Variants in RNF169 observed in about 807,000 individuals in gnomAD.
RNF169 encodes the protein E3 ubiquitin-protein ligase RNF169.
RNF169 carries 24 observed loss-of-function variants against 53.9 expected under a neutral mutation model. The observed-to-expected ratio is 0.45, with a 90% CI of 0.32 to 0.63. RNF169 has a LOEUF of 0.63. Among genes scored for constraint, RNF169 ranks in the 20% least tolerant of loss-of-function variants. RNF169 has a pLI of 0.04. For synonymous variants in RNF169, 396 were observed against 363.5 expected, an observed-to-expected ratio of 1.09 and a Z score of -1.02; for missense variants, 883 against 906.2, an observed-to-expected ratio of 0.97 and a Z score of 0.33.
At position 74,834,670 on chromosome 11, in the gene RNF169, T is replaced by C. The variant is rs746717535; in HGVS notation, c.843-6T>C. ...GACTACTCGTTTTTTATTTATTCTT[T>C]TTTAGGAAGCTAAACTCCAAGGTGG... is the stretch of plus-strand genomic sequence containing the variant. On this transcript the variant is annotated splice_polypyrimidine_tract_variant and splice_region_variant and intron_variant, in intron 4 of 5. Coordinates refer to ENST00000299563, the MANE Select transcript of RNF169 (RefSeq NM_001098638.2). 2 of 1,603,512 alleles carry C rather than the reference T, an allele frequency of 1.2e-6. No homozygotes were observed. Among genetic ancestry groups the C allele is most frequent in the South Asian group, 1.1e-5 (1 of 89,444 alleles).
At chr11:74,801,477 A>G (rs2035728251) in intron 2 of RNF169, among the ~76,000 whole-genome samples, 1 of 152,224 alleles carries the variant, frequency 6.6e-6, no homozygotes, top group African/African-American at 2.4e-5. Context: ...CACCAGTTTG[A>G]TTAACTAGTT....
chr11:74,750,692 C>A (rs2034875501), intron 1 of RNF169, among the ~76,000 whole-genome samples: 1 of 144,732 alleles, frequency 6.9e-6, no homozygotes, highest in Non-Finnish European at 1.5e-5. Context: ...CTGTGCACCA[C>A]CCCTTCAGGT....
rs982828663 is a variant in RNF169, at chr11:74,838,829, T to TA, written c.*2100dup. On this transcript the variant is annotated 3_prime_UTR_variant, in exon 6 of 6. Transcript: ENST00000299563. The stretch of plus-strand genomic sequence containing the variant: ...ACTATAAATGCCCTTAGAGGAAACT[T>TA]ATCAGTTACTGCCATTTCACGCATT... The TA allele has an allele frequency of 6.6e-6, 1 of 152,174 alleles. No homozygotes were observed. The highest frequency in any genetic ancestry group is 1.5e-5 in the Non-Finnish European group (1 of 68,032). 9.4% of individuals were successfully genotyped at this position (152,174 alleles called of 1,614,324 possible). A position where few individuals can be genotyped will look rare whatever the true frequency, so the allele number is the denominator to read the frequency against.
chr11:74,781,967 A>G (rs1321159239), intron 1 of RNF169, among the ~76,000 whole-genome samples: 3 of 152,150 alleles, frequency 2.0e-5, no homozygotes, highest in South Asian at 2.1e-4. Flanking sequence ...GGCATGCTAC[A>G]TAACTGCCAA....
rs2034836802 is a variant in RNF169 at position 74,748,940 on chromosome 11, T to C, written c.60T>C (p.Ser20=). 2.7e-6 allele frequency: 4 copies of C among 1,470,916 alleles called. No homozygotes were observed. The highest frequency in any genetic ancestry group is 3.6e-6 in the Non-Finnish European group (4 of 1,100,336). The allele number at this position is 1,470,916 out of a possible 1,614,324, so 91.1% of individuals were successfully genotyped here. A position where few individuals can be genotyped will look rare whatever the true frequency, so the allele number is the denominator to read the frequency against. The change falls in exon 1 of 6, where the codon AGT becomes AGC. Residue 20 remains serine, a synonymous_variant. Transcript: ENST00000299563. ...CCGCGGCGGCAGCAGCCGCTCTGAG[T>C]CGGCGGGGCCGGCGGGGCCGCTGTG... is the stretch of plus-strand genomic sequence containing the variant. ...ASSAAAAAAL[S]RRGRRGRCDE... is the part of the protein sequence containing the mutation.
At chr11:74,831,728 C>T (rs2036181172) in intron 4 of RNF169, 1 of 149,672 alleles carries the variant, frequency 6.7e-6, no homozygotes, top group Non-Finnish European at 1.5e-5. Flanking sequence ...GTGGAAGACT[C>T]ACAACTCCTG....
At chr11:74,752,228 TA>T (rs11325931) in intron 1 of RNF169, among the ~76,000 whole-genome samples, 8,934 of 78,610 alleles carry the variant, frequency 0.11, 583 homozygotes, top group African/African-American at 0.26. Context: ...GAGACTGTCT[TA>T]AAAAAAAAAA....
chr11:74,760,561 G>A (rs375802341), intron 1 of RNF169, among the ~76,000 whole-genome samples: 12 of 150,966 alleles, frequency 7.9e-5, no homozygotes, highest in South Asian at 2.1e-4. Flanking sequence ...CCTTCATTTC[G>A]TTATGTACCC....
intron 2 of RNF169, among the ~76,000 whole-genome samples, chr11:74,809,692 G>A (rs929851093): frequency 3.3e-5 from 5 of 152,296 alleles, no homozygotes; most frequent in East Asian, 1.9e-4. Flanking sequence ...TTTGTAGACC[G>A]TGTATCTTGA....
chr11:74,825,234 A>G (rs1419295118), intron 4 of RNF169, among the ~76,000 whole-genome samples: 1 of 152,248 alleles, frequency 6.6e-6, no homozygotes, highest in African/African-American at 2.4e-5. Context: ...TATATTTTAA[A>G]AGGTTGAAAT....
intron 1 of RNF169, among the ~76,000 whole-genome samples, chr11:74,764,568 AAG>A (rs1448846982): frequency 6.6e-6 from 1 of 152,216 alleles, no homozygotes; most frequent in African/African-American, 2.4e-5. Context: ...AGACAGGAAA[AAG>A]AGAATTTACC....
chr11:74,786,002 A>G (rs1295480100), intron 1 of RNF169, among the ~76,000 whole-genome samples: 1 of 143,450 alleles, frequency 7.0e-6, no homozygotes, highest in Non-Finnish European at 1.5e-5. Flanking sequence ...GTGCAGTGGC[A>G]CGATCTCAGC....
At chr11:74,781,493 A>G (rs370079940) in intron 1 of RNF169, among the ~76,000 whole-genome samples, 6 of 152,334 alleles carry the variant, frequency 3.9e-5, no homozygotes, top group African/African-American at 1.2e-4. Context: ...TTTGAAGGAC[A>G]TTTAGGTTGT....
intron 4 of RNF169, among the ~76,000 whole-genome samples, chr11:74,826,833 A>T (rs1420484674): frequency 1.3e-5 from 2 of 152,214 alleles, no homozygotes; most frequent in Non-Finnish European, 2.9e-5. Context: ...CTGGTGCAAG[A>T]GGTGGGCTCC....
At position 74,808,307 on chromosome 11, in the gene RNF169, C is replaced by T. The variant is rs548870953; in HGVS notation, c.577-1877C>T. The T allele has an allele frequency of 1.6e-4, 24 of 152,244 alleles. No individual in the cohort carries two copies. The South Asian group carries it at 4.8e-3, about 30-fold the overall frequency. 9.4% of individuals were successfully genotyped at this position (152,244 alleles called of 1,614,324 possible). On this transcript the variant is annotated intron_variant, in intron 2 of 5. Coordinates refer to ENST00000299563, the MANE Select transcript of RNF169 (RefSeq NM_001098638.2). ...CAACATTAAGCACCAAACAAAATAA[C>T]ACTAAGATATATAAAACAGGAAATG...
intron 2 of RNF169, among the ~76,000 whole-genome samples, chr11:74,799,816 A>G (rs1311584929): frequency 1.3e-5 from 2 of 152,076 alleles, no homozygotes; most frequent in Admixed American, 6.6e-5. Context: ...CAGGTTATCA[A>G]AAAGTTTTAA....
chr11:74,786,796 T>G (rs1289352119), intron 1 of RNF169, among the ~76,000 whole-genome samples: 1 of 152,212 alleles, frequency 6.6e-6, no homozygotes, highest in Non-Finnish European at 1.5e-5. Flanking sequence ...AAGTTGAGAC[T>G]GACTTATCCA....
chr11:74,790,239 A>G (rs2035560874), intron 2 of RNF169, among the ~76,000 whole-genome samples: 3 of 152,202 alleles, frequency 2.0e-5, no homozygotes, highest in Admixed American at 6.5e-5. Context: ...GGAATCACCT[A>G]GAGAATTAAG....
chr11:74,790,983 A>G (rs1012938611), intron 2 of RNF169, among the ~76,000 whole-genome samples: 8 of 152,238 alleles, frequency 5.3e-5, no homozygotes, highest in East Asian at 1.9e-4. Flanking sequence ...CTGTCCTGCC[A>G]TTCGGCGGGT....
Sources: allele counts gnomAD v4.1 joint callset (sites outside exome capture counted in the v4.1 genomes callset), GRCh38; gene constraint gnomAD v4.1.1; transcripts MANE v1.5; gene names NCBI Gene and HGNC (gene_info 2026-07-23, HGNC 2026-07-21).